MAML3: variants seen among roughly 807,000 people sequenced by gnomAD.
MAML3 encodes mastermind-like protein 3.
MAML3 carries 27 observed loss-of-function variants against 101.9 expected under a neutral mutation model. The ratio of observed to expected loss-of-function variants is 0.27; its 90% CI spans 0.20 to 0.37. MAML3 has a LOEUF of 0.37. MAML3 is among the 10% of genes least tolerant of loss of function. The pLI is 1.00. For missense variants in MAML3, 1,316 were observed against 1,444.9 expected (o/e 0.91, Z 1.45); for synonymous variants, 501 against 555.9 (o/e 0.90, Z 1.39).
chr4:139,750,874 G>C (rs1258644744), intron 2 of MAML3, among the ~76,000 whole-genome samples: 2 of 152,134 alleles, frequency 1.3e-5, no homozygotes, highest in Non-Finnish European at 2.9e-5. Flanking sequence ...TCAGAAGAAG[G>C]GTTTTTGTTT....
intron 1 of MAML3, among the ~76,000 whole-genome samples, chr4:140,003,972 G>A (rs1320484671): frequency 1.3e-5 from 2 of 152,230 alleles, no homozygotes; most frequent in Non-Finnish European, 2.9e-5. Context: ...CTCCGCACAA[G>A]CAAGAGAATC....
chr4:140,131,795 C>G (rs1728798931), intron 1 of MAML3, among the ~76,000 whole-genome samples: 1 of 152,200 alleles, frequency 6.6e-6, no homozygotes, highest in Non-Finnish European at 1.5e-5. Context: ...CTACTGCTGT[C>G]CCAGCACCAA....
intron 2 of MAML3, among the ~76,000 whole-genome samples, chr4:139,733,237 T>C (rs1728795048): frequency 6.6e-6 from 1 of 152,252 alleles, no homozygotes; most frequent in South Asian, 2.1e-4. Context: ...GTATATTTGA[T>C]ACTTTCCAGT....
In MAML3 at chr4:140,113,781, A is replaced by G. The variant is rs556037180; in HGVS notation, c.468+39079T>C. On this transcript the variant is annotated intron_variant, in intron 1 of 4. Transcript: ENST00000509479. The stretch of plus-strand genomic sequence containing the variant: ...AAGTGACCCTGCAGCTAGGATACCT[A>G]GAACTGCTCTAATCAAAGTCCATCC... Among the ~76,000 whole-genome samples the G allele has an allele frequency of 2.6e-5, 4 of 152,346 alleles. No homozygotes were observed. The East Asian group carries it at 7.7e-4, about 29-fold the overall frequency.
In MAML3 at chr4:139,912,241, G is replaced by A. The variant is rs184887440; in HGVS notation, c.469-21274C>T. 9.0e-4 allele frequency among the ~76,000 whole-genome samples: 137 copies of A among 152,296 alleles called. 1 individual carries two copies. Among genetic ancestry groups the A allele is most frequent in the African/African-American group, 3.1e-3 (127 of 41,564 alleles). On this transcript the variant is annotated intron_variant, in intron 1 of 4. Transcript: ENST00000509479. ...AGAAGAGTGATTAAAAAACAAATGTGGGGGAGAGATTTGTTGAGATGGAAT... is the reference window on the plus strand; with the variant it reads ...AGAAGAGTGATTAAAAAACAAATGTAGGGGAGAGATTTGTTGAGATGGAAT...
At chr4:140,015,867 C>T (rs374817941) in intron 1 of MAML3, among the ~76,000 whole-genome samples, 124 of 152,256 alleles carry the variant, frequency 8.1e-4, no homozygotes, top group African/African-American at 2.8e-3. Flanking sequence ...GCATGAGAAT[C>T]GCTTTAACCC....
At chr4:139,875,916 C>CAAAAAA (rs57104878) in intron 2 of MAML3, among the ~76,000 whole-genome samples, 1 of 81,562 alleles carries the variant, frequency 1.2e-5, no homozygotes, top group Admixed American at 1.5e-4. Flanking sequence ...TCACAAACAG[C>CAAAAAA]AAAAAAAAAA....
At chr4:140,007,841 C>T (rs1163400999) in intron 1 of MAML3, among the ~76,000 whole-genome samples, 2 of 152,218 alleles carry the variant, frequency 1.3e-5, no homozygotes, top group African/African-American at 4.8e-5. Context: ...TGCTCTTGCA[C>T]TGAAACCTCC....
At chr4:140,098,000 C>T (rs914417706) in intron 1 of MAML3, among the ~76,000 whole-genome samples, 2 of 152,180 alleles carry the variant, frequency 1.3e-5, no homozygotes, top group African/African-American at 2.4e-5. Flanking sequence ...AAGTCCTCCA[C>T]GTTTTTCTCC....
At chr4:139,772,398 G>C (rs775123213) in intron 2 of MAML3, among the ~76,000 whole-genome samples, 1 of 150,780 alleles carries the variant, frequency 6.6e-6, no homozygotes, top group Non-Finnish European at 1.5e-5. Flanking sequence ...CTGGAGTGCA[G>C]TGGCGCGATC....
At chr4:139,892,270 T>TG (rs1560827668) in intron 1 of MAML3, among the ~76,000 whole-genome samples, 1 of 152,222 alleles carries the variant, frequency 6.6e-6, no homozygotes, top group Non-Finnish European at 1.5e-5. Flanking sequence ...TATCCTTTGT[T>TG]ACCCAAACCA....
At chr4:140,063,331 G>A (rs762846673) in intron 1 of MAML3, among the ~76,000 whole-genome samples, 33 of 152,192 alleles carry the variant, frequency 2.2e-4, no homozygotes, top group Non-Finnish European at 4.0e-4. Flanking sequence ...AGGAGGACAG[G>A]ACTGTAATAA....
chr4:139,819,104 GCAGGTATAAAACCTA>G (rs1324298381), intron 2 of MAML3, among the ~76,000 whole-genome samples: 2 of 152,174 alleles, frequency 1.3e-5, no homozygotes, highest in East Asian at 3.9e-4. Flanking sequence ...TGAAATGAAG[GCAGGTATAAAACCTA>G]CAGGTATGGA....
At chr4:139,817,842 C>T (rs1373500047) in intron 2 of MAML3, among the ~76,000 whole-genome samples, 1 of 152,226 alleles carries the variant, frequency 6.6e-6, no homozygotes, top group Non-Finnish European at 1.5e-5. Context: ...CTGCACTGGC[C>T]TCCTGGCAGC....
rs75957722 is a variant in MAML3, at chr4:139,856,023, C to T, written c.2079+33334G>A. ...CCATCCCTCAGGACTCCAGATGGAC[C>T]TGTGTTTACCAGGACTCTAGCTCAT... On this transcript the variant is annotated intron_variant, in intron 2 of 4. Transcript: ENST00000509479. 4.9e-3 allele frequency among the ~76,000 whole-genome samples: 753 copies of T among 152,310 alleles called. 7 individuals carry two copies. The highest frequency in any genetic ancestry group is 7.9e-3 in the Non-Finnish European group (540 of 68,032).
chr4:139,936,447 T>C (rs1196646887), intron 1 of MAML3, among the ~76,000 whole-genome samples: 2 of 152,216 alleles, frequency 1.3e-5, no homozygotes, highest in East Asian at 1.9e-4. Flanking sequence ...GTTCTCTTTT[T>C]AATGTTTTGA....
intron 2 of MAML3, among the ~76,000 whole-genome samples, chr4:139,761,462 C>A (rs1278842912): frequency 1.3e-5 from 2 of 152,188 alleles, no homozygotes; most frequent in Admixed American, 1.3e-4. Flanking sequence ...ACAGCTACAG[C>A]CTCTACTGCT....
intron 1 of MAML3, among the ~76,000 whole-genome samples, chr4:139,954,307 T>C (rs1394414101): frequency 2.0e-5 from 3 of 152,232 alleles, no homozygotes; most frequent in African/African-American, 7.2e-5. Flanking sequence ...ATAATTACTA[T>C]TGTTAGCTTG....
chr4:140,057,735 G>A (rs1249673682), intron 1 of MAML3, among the ~76,000 whole-genome samples: 3 of 152,096 alleles, frequency 2.0e-5, no homozygotes, highest in Non-Finnish European at 4.4e-5. Context: ...TTTTGATCTT[G>A]CATTCAAGGA....
Sources: allele counts gnomAD v4.1 joint callset (sites outside exome capture counted in the v4.1 genomes callset), GRCh38; gene constraint gnomAD v4.1.1; transcripts MANE v1.5; gene names NCBI Gene and HGNC (gene_info 2026-07-23, HGNC 2026-07-21).